Variants in MROH2B observed in about 807,000 individuals in gnomAD.
MROH2B encodes the protein maestro heat-like repeat-containing protein family member 2B.
A neutral mutation model predicts 208.6 loss-of-function variants in MROH2B; 177 were observed. The ratio of observed to expected loss-of-function variants is 0.85; its 90% CI spans 0.75 to 0.96. MROH2B has a LOEUF of 0.96. MROH2B is among the 40% of genes least tolerant of loss of function. The probability of loss-of-function intolerance (pLI) is 0.00; values close to 1 mark genes in which losing one functional copy is unlikely to be tolerated. For missense variants in MROH2B, 2,002 were observed against 1,878.7 expected (o/e 1.07, Z -1.21); for synonymous variants, 728 against 659.0 (o/e 1.10, Z -1.60).
Position 41,046,007 on chromosome 5 carries a change from CTTAGT to C in MROH2B, c.1729-159_1729-155del, listed in dbSNP as rs368760652. ...TAACTAATTCCTTCGAAACTTTCCT[CTTAGT>C]TTATTCTAAAAAACATTTTCTGATA... On this transcript the variant is annotated intron_variant, in intron 17 of 41. Coordinates refer to ENST00000399564, the MANE Select transcript of MROH2B (RefSeq NM_173489.5). Among the ~76,000 whole-genome samples, 46 of 152,202 alleles carry C rather than the reference CTTAGT, an allele frequency of 3.0e-4. 1 individual carries two copies. The East Asian group carries it at 8.1e-3, about 27-fold the overall frequency.
Position 41,018,788 on chromosome 5 carries a change from T to G in MROH2B, c.2578-2A>C. ...GTCCATGGATCGTTCATAGAGAAAC[T>G]GAAATCAAATATGTGTGTGTGAGTC... On this transcript the variant is annotated splice_acceptor_variant, in intron 25 of 41. Coordinates refer to ENST00000399564, the MANE Select transcript of MROH2B (RefSeq NM_173489.5). LOFTEE classifies it high-confidence loss of function. 1.2e-6 allele frequency: 2 copies of G among 1,613,826 alleles called. No homozygotes were observed. The highest frequency in any genetic ancestry group is 1.7e-6 in the Non-Finnish European group (2 of 1,179,814).
Position 41,005,549 on chromosome 5 carries a change from G to A in MROH2B, c.3846C>T (p.Gly1282=), listed in dbSNP as rs558497635. 23 of 1,604,896 alleles carry A rather than the reference G, an allele frequency of 1.4e-5. No individual in the cohort carries two copies. Among genetic ancestry groups the A allele is most frequent in the East Asian group, 4.5e-5 (2 of 44,556 alleles). Residue 1282 remains glycine (G), a synonymous_variant, in exon 35 of 42, where the codon GGC becomes GGT. Coordinates refer to ENST00000399564, the MANE Select transcript of MROH2B (RefSeq NM_173489.5). ...TSSSENYRIT[G]AAFFSELMKE... ...CCCTTGCCTCAGAGAAGAAAGCTGC[G>A]CCGGTTATCCGGTAGTTCTCCGAGG...
chr5:41,005,748 T>A (rs1741567895), intron 34 of MROH2B, 103 bp from the exon 35 acceptor site: 1 of 968,744 alleles, frequency 1.0e-6, no homozygotes, highest in Non-Finnish European at 1.6e-6. Context: ...AAGGAATGCT[T>A]GGCTGGGGGT....
chr5:41,004,548 C>T lies in MROH2B; in HGVS notation c.4012-20G>A, dbSNP rs1207657512. On this transcript the variant is annotated intron_variant, in intron 36 of 41. Coordinates refer to ENST00000399564, the MANE Select transcript of MROH2B (RefSeq NM_173489.5). ...CTTCACCTATTTTGAAATAAGACCT[C>T]TTAATCTTGAAAATTGTTCTATGCG... 1 of 1,597,490 alleles carries T rather than the reference C, an allele frequency of 6.3e-7. No homozygotes were observed. Among genetic ancestry groups the T allele is most frequent in the Non-Finnish European group, 8.5e-7 (1 of 1,173,734 alleles).
intron 14 of MROH2B, 56 bp downstream of exon 14, chr5:41,049,224 C>G: frequency 6.2e-7 from 1 of 1,610,248 alleles, no homozygotes; most frequent in Admixed American, 1.7e-5. Context: ...TGTAGCCTTC[C>G]TGGAAATGGA....
intron 33 of MROH2B, among the ~76,000 whole-genome samples, chr5:41,007,857 G>T (rs1306341546): frequency 6.6e-6 from 1 of 152,184 alleles, no homozygotes; most frequent in Non-Finnish European, 1.5e-5. Context: ...CACATGTGCT[G>T]CCTGGTTCAG....
chr5:41,042,273 G>A, intron 18 of MROH2B, 65 bp from the exon 19 acceptor site: 1 of 976,024 alleles, frequency 1.0e-6, no homozygotes, highest in East Asian at 2.7e-5. Context: ...ATGAAAAGTG[G>A]AAAGAGTTAA....
At chr5:41,024,559 G>T (rs1334688939) in intron 24 of MROH2B, among the ~76,000 whole-genome samples, 1 of 152,074 alleles carries the variant, frequency 6.6e-6, no homozygotes, top group African/African-American at 2.4e-5. Flanking sequence ...CCTACAAAGA[G>T]ACTTAGACTC....
rs554196578 is a variant in MROH2B at position 41,033,970 on chromosome 5, C to T, written c.2215-106G>A. ...ATCAACCTGAAGGACAATAGTAAAG[C>T]AGGAGGTAGAGCCTTGCCAAGGGGG... On this transcript the variant is annotated intron_variant, in intron 21 of 41. Coordinates refer to ENST00000399564, the MANE Select transcript of MROH2B (RefSeq NM_173489.5). 9.7e-5 allele frequency: 147 copies of T among 1,511,666 alleles called. No individual in the cohort carries two copies. The African/African-American group carries it at 1.1e-3, about 11-fold the overall frequency. The allele number at this position is 1,511,666 out of a possible 1,614,324, so 93.6% of individuals were successfully genotyped here.
At chr5:41,032,914 G>T in intron 23 of MROH2B, 93 bp from the exon 24 acceptor site, 1 of 1,544,940 alleles carries the variant, frequency 6.5e-7, no homozygotes. Flanking sequence ...GGGTGCCCTG[G>T]GTCATAAACA....
In MROH2B at chr5:41,004,467, C is replaced by A. The variant is rs376366884; in HGVS notation, c.4073G>T (p.Arg1358Leu). ...CAAGCTTTCACAGACGACTTCAGTG[C>A]GAGCTAGGTGATACAGGCCTCTGAT... ...SIIRGLYHLA[R>L]TEVVCESLKA... The change falls in exon 37 of 42, where the codon CGC becomes CTC. Residue 1358 changes from arginine (R) to leucine (L), a missense_variant. Physicochemically the swap from Arg to Leu is moderately radical, Grantham distance 102. Coordinates refer to ENST00000399564, the MANE Select transcript of MROH2B (RefSeq NM_173489.5). The A allele has an allele frequency of 3.1e-6, 5 of 1,613,952 alleles. No homozygotes were observed. In the East Asian group the frequency reaches 8.9e-5, roughly 29 times the overall value.
At position 41,049,409 on chromosome 5, in the gene MROH2B, C is replaced by T. The variant is rs771239766; in HGVS notation, c.1372G>A (p.Val458Met). ...QVLWPRILTF[V>M]VPAEYTEALE... ...GCTTCTGTGTATTCTGCAGGTACCACAAAAGTCAGGATCCTTGGCCATAGC... is the reference window on the plus strand; with the variant it reads ...GCTTCTGTGTATTCTGCAGGTACCATAAAAGTCAGGATCCTTGGCCATAGC... Residue 458 changes from valine (V) to methionine (M), a missense_variant, in exon 14 of 42, where the codon GTG (valine) becomes ATG (methionine). By Grantham distance (21) the Val-to-Met change is conservative. Coordinates refer to ENST00000399564, the MANE Select transcript of MROH2B (RefSeq NM_173489.5). 3.7e-6 allele frequency: 6 copies of T among 1,613,116 alleles called. No individual in the cohort carries two copies. The highest frequency in any genetic ancestry group is 3.3e-5 in the Admixed American group (2 of 59,810).
Position 41,042,110 on chromosome 5 carries a change from T to C in MROH2B, c.1935A>G (p.Gln645=). 1 of 1,589,338 alleles carries C rather than the reference T, an allele frequency of 6.3e-7. No homozygotes were observed. The highest frequency in any genetic ancestry group is 8.6e-7 in the Non-Finnish European group (1 of 1,166,352). ...QIKEFLTAPN[Q]LGDQRQGITS... Reference sequence around the variant, plus strand: ...GTCCCACCTGTCTTTGATCCCCCAGTTGGTTGGGAGCAGTCAGAAACTCCT... The same window carrying C: ...GTCCCACCTGTCTTTGATCCCCCAGCTGGTTGGGAGCAGTCAGAAACTCCT... The change falls in exon 19 of 42, where the codon CAA becomes CAG. Residue 645 remains glutamine, a synonymous_variant. Coordinates refer to ENST00000399564, the MANE Select transcript of MROH2B (RefSeq NM_173489.5).
At chr5:41,068,988 C>T (rs1333613338) in intron 2 of MROH2B, among the ~76,000 whole-genome samples, 1 of 152,118 alleles carries the variant, frequency 6.6e-6, no homozygotes, top group Non-Finnish European at 1.5e-5. Context: ...AGGCACTGCC[C>T]TTCACAAGGA....
chr5:41,006,822 T>C (rs1372797223), intron 34 of MROH2B, among the ~76,000 whole-genome samples: 1 of 151,864 alleles, frequency 6.6e-6, no homozygotes, highest in African/African-American at 2.4e-5. Flanking sequence ...CATTGGACTT[T>C]GGGGGTTTGG....
In MROH2B at chr5:41,057,166, G is replaced by T. The variant is rs760329436; in HGVS notation, c.862C>A (p.Pro288Thr). 1 of 1,613,840 alleles carries T rather than the reference G, an allele frequency of 6.2e-7. No homozygotes were observed. Among genetic ancestry groups the T allele is most frequent in the African/African-American group, 1.3e-5 (1 of 74,920 alleles). The change falls in exon 9 of 42, where the codon CCA becomes ACA. Residue 288 changes from proline to threonine, a missense_variant. Coordinates refer to ENST00000399564, the MANE Select transcript of MROH2B (RefSeq NM_173489.5). ...TCATTTTCCTTTACTGGAGGCTCTG[G>T]AGCTCTGCAGATCTGAATGGGGGTG... ...INLLQQICRA[P>T]EPPVKENEMK...
chr5:41,050,933 A>T, intron 13 of MROH2B, 44 bp downstream of exon 13: 1 of 1,263,232 alleles, frequency 7.9e-7, no homozygotes, highest in African/African-American at 1.5e-5. Context: ...GGGCTTTAAG[A>T]AGGTGATCAA....
chr5:40,998,070 C>G lies in MROH2B; in HGVS notation c.4740G>C (p.Glu1580Asp), dbSNP rs1374087083. ...TGATGGCTTACAGAGGAATGCTTGT[C>G]TCTTTACACCTTCTCAGGAGGGTTT... ...ALQTLLRRCK[E>D]TSIPL Residue 1580 changes from glutamate to aspartate, a missense_variant, in exon 42 of 42, where the codon GAG becomes GAC. Coordinates refer to ENST00000399564, the MANE Select transcript of MROH2B (RefSeq NM_173489.5). 1 of 1,610,368 alleles carries G rather than the reference C, an allele frequency of 6.2e-7. No individual in the cohort carries two copies. The highest frequency in any genetic ancestry group is 1.3e-5 in the African/African-American group (1 of 74,922).
chr5:41,065,328 T>C lies in MROH2B; in HGVS notation c.361+3A>G, dbSNP rs1743767859. ...GGAAAATTGGAGAATATTCCCGCTATACCATAGCTGGTTGCCAATTCAGCC... is the reference window on the plus strand; with the variant it reads ...GGAAAATTGGAGAATATTCCCGCTACACCATAGCTGGTTGCCAATTCAGCC... On this transcript the variant is annotated splice_donor_region_variant and intron_variant, in intron 4 of 41. Coordinates refer to ENST00000399564, the MANE Select transcript of MROH2B (RefSeq NM_173489.5). 1 of 1,609,846 alleles carries C rather than the reference T, an allele frequency of 6.2e-7. No homozygotes were observed. Among genetic ancestry groups the C allele is most frequent in the African/African-American group, 1.3e-5 (1 of 74,952 alleles).
Sources: gnomAD v4.1 joint callset for allele counts (sites outside exome capture counted in the v4.1 genomes callset) on GRCh38, gnomAD v4.1.1 for gene constraint, MANE v1.5 for transcripts, NCBI Gene and HGNC (gene_info 2026-07-23, HGNC 2026-07-21) for gene names.